LMCD1: variants seen among roughly 807,000 people sequenced by gnomAD.
The protein encoded by LMCD1 is LIM and cysteine-rich domains protein 1.
Under a neutral mutation model 42.7 loss-of-function variants are expected in LMCD1, and 32 were observed. The observed-to-expected ratio is 0.75, with a 90% CI of 0.57 to 1.01. The LOEUF (loss-of-function observed/expected upper bound fraction) is 1.01. LMCD1 is among the 50% of genes least tolerant of loss of function. The pLI is 0.00. For synonymous variants in LMCD1, 178 were observed against 184.9 expected (o/e 0.96, Z 0.30); for missense variants, 458 against 483.1 (o/e 0.95, Z 0.49).
In LMCD1 at chr3:8,570,253, G is replaced by A. The variant is rs1273201063; in HGVS notation, c.*2655G>A. On this transcript the variant is annotated 3_prime_UTR_variant, in exon 6 of 6. Coordinates refer to ENST00000157600, the MANE Select transcript of LMCD1 (RefSeq NM_014583.4). ...CATGGCCAGCCTGCTCCAGTTCTGG[G>A]GCAATTCAAAAGACTGGTCTCTGTT... The A allele has an allele frequency of 1.3e-5, 2 of 152,236 alleles. No individual in the cohort carries two copies. Among genetic ancestry groups the A allele is most frequent in the African/African-American group, 4.8e-5 (2 of 41,422 alleles). 9.4% of individuals were successfully genotyped at this position (152,236 alleles called of 1,614,324 possible).
intron 1 of LMCD1, among the ~76,000 whole-genome samples, chr3:8,505,590 T>G (rs1205656655): frequency 7.2e-5 from 11 of 152,242 alleles, no homozygotes. Flanking sequence ...GCTAGGAACC[T>G]GTTCATAGTT....
At chr3:8,565,071 A>T (rs926332540) in intron 4 of LMCD1, among the ~76,000 whole-genome samples, 19 of 152,208 alleles carry the variant, frequency 1.2e-4, no homozygotes, top group South Asian at 4.1e-4. Context: ...TAAATGAATT[A>T]AAAAAATTTA....
At chr3:8,547,696 T>C (rs57560727) in intron 3 of LMCD1, among the ~76,000 whole-genome samples, 17,003 of 151,900 alleles carry the variant, frequency 0.11, 1,107 homozygotes, top group South Asian at 0.22. Context: ...ATCAAGACCA[T>C]CCCGGCTAAC....
Position 8,571,925 on chromosome 3 carries a change from T to C in LMCD1, c.*4327T>C, listed in dbSNP as rs912048850. The stretch of plus-strand genomic sequence containing the variant: ...CTACAAATAAGGACATTCTCCCACA[T>C]AGCCACAATACAACCATCAAAATCA... On this transcript the variant is annotated 3_prime_UTR_variant, in exon 6 of 6. Transcript: ENST00000157600. The C allele has an allele frequency of 1.3e-5, 2 of 152,238 alleles. No individual in the cohort carries two copies. The highest frequency in any genetic ancestry group is 2.9e-5 in the Non-Finnish European group (2 of 68,046). The allele number at this position is 152,238 out of a possible 1,614,324, so 9.4% of individuals were successfully genotyped here. A position where few individuals can be genotyped will look rare whatever the true frequency, so the allele number is the denominator to read the frequency against.
At chr3:8,537,500 C>T in intron 3 of LMCD1, 60 bp downstream of exon 3, 1 of 1,478,742 alleles carries the variant, frequency 6.8e-7, no homozygotes. Context: ...CTAGCCATGT[C>T]AAGTGTTTCT....
chr3:8,549,993 CTG>C, intron 4 of LMCD1: 2 of 1,480,440 alleles, frequency 1.4e-6, no homozygotes, highest in Non-Finnish European at 1.8e-6. Context: ...CCTCTCAATA[CTG>C]CCATGCAGAG....
At chr3:8,544,147 C>T (rs1694688891) in intron 3 of LMCD1, among the ~76,000 whole-genome samples, 1 of 152,182 alleles carries the variant, frequency 6.6e-6, no homozygotes, top group Non-Finnish European at 1.5e-5. Context: ...TCTTCTCTCT[C>T]TCTTGGTTAT....
At chr3:8,553,273 G>A (rs1488415704) in intron 4 of LMCD1, among the ~76,000 whole-genome samples, 2 of 152,026 alleles carry the variant, frequency 1.3e-5, no homozygotes, top group Non-Finnish European at 2.9e-5. Flanking sequence ...GCTGGGGGAC[G>A]TCCTTCCTCT....
At chr3:8,531,134 A>G (rs987749612) in intron 1 of LMCD1, among the ~76,000 whole-genome samples, 8 of 152,206 alleles carry the variant, frequency 5.3e-5, no homozygotes, top group African/African-American at 1.9e-4. Flanking sequence ...ACCACTGGCA[A>G]TGAGGATGGC....
At chr3:8,537,112 A>G (rs1694520737) in intron 2 of LMCD1, 73 bp from the exon 3 acceptor site, 1 of 1,526,390 alleles carries the variant, frequency 6.6e-7, no homozygotes, top group South Asian at 1.2e-5. Context: ...AAAAGGGTAG[A>G]TGCTGCTAGC....
chr3:8,512,261 A>G (rs905752755), intron 1 of LMCD1, among the ~76,000 whole-genome samples: 2 of 152,218 alleles, frequency 1.3e-5, no homozygotes, highest in South Asian at 4.1e-4. Flanking sequence ...TTGCATCAAA[A>G]CAATTTCTTT....
intron 3 of LMCD1, among the ~76,000 whole-genome samples, chr3:8,541,726 C>G (rs1694631262): frequency 6.6e-6 from 1 of 152,278 alleles, no homozygotes; most frequent in East Asian, 1.9e-4. Context: ...AGAGAGATAC[C>G]TGGGAGATTC....
intron 4 of LMCD1, chr3:8,551,345 G>A (rs376632573): frequency 1.1e-4 from 106 of 985,334 alleles, no homozygotes; most frequent in South Asian, 2.8e-4. Flanking sequence ...CGGACGGTGC[G>A]ATTCCAGTTC....
intron 3 of LMCD1, among the ~76,000 whole-genome samples, chr3:8,546,000 G>T (rs533515342): frequency 1.3e-5 from 2 of 152,134 alleles, no homozygotes; most frequent in African/African-American, 4.8e-5. Context: ...AATGGCTCAC[G>T]CCTATAATCC....
chr3:8,552,825 G>A (rs757158367), intron 4 of LMCD1, among the ~76,000 whole-genome samples: 8 of 152,154 alleles, frequency 5.3e-5, no homozygotes, highest in Non-Finnish European at 1.0e-4. Flanking sequence ...CGAGGTTCAC[G>A]CCATTCTCCT....
At chr3:8,518,182 C>A (rs1694132856) in intron 1 of LMCD1, among the ~76,000 whole-genome samples, 1 of 152,218 alleles carries the variant, frequency 6.6e-6, no homozygotes, top group Admixed American at 6.5e-5. Flanking sequence ...ACTTTGTCAG[C>A]AAATCATTCA....
intron 4 of LMCD1, among the ~76,000 whole-genome samples, chr3:8,549,503 TCAAA>T (rs1180903815): frequency 6.6e-6 from 1 of 152,006 alleles, no homozygotes; most frequent in African/African-American, 2.4e-5. Flanking sequence ...CCCCAGGAAA[TCAAA>T]CAAGCAGAGG....
chr3:8,562,414 C>T (rs576347325), intron 4 of LMCD1, among the ~76,000 whole-genome samples: 69 of 152,320 alleles, frequency 4.5e-4, no homozygotes, highest in Middle Eastern at 3.4e-3. Context: ...AGTCTCCCCA[C>T]CCGACCCAGC....
At chr3:8,514,144 A>G (rs775185544) in intron 1 of LMCD1, among the ~76,000 whole-genome samples, 26 of 152,210 alleles carry the variant, frequency 1.7e-4, no homozygotes, top group Non-Finnish European at 2.1e-4. Context: ...TCTGGGTTGT[A>G]TTCAGAATAT....
Sources: gnomAD v4.1 joint callset for allele counts (sites outside exome capture counted in the v4.1 genomes callset) on GRCh38, gnomAD v4.1.1 for gene constraint, MANE v1.5 for transcripts, NCBI Gene and HGNC (gene_info 2026-07-23, HGNC 2026-07-21) for gene names.